Variants in TIAM1 observed in about 807,000 individuals in gnomAD.
TIAM1 encodes rho guanine nucleotide exchange factor TIAM1.
A neutral mutation model predicts 163.5 loss-of-function variants in TIAM1; 65 were observed. The observed-to-expected ratio is 0.40, with a 90% CI of 0.33 to 0.49. The LOEUF is 0.49. Ranked by LOEUF, TIAM1 falls within the 20% of genes least tolerant of loss-of-function variation. The pLI, the probability that TIAM1 is intolerant of heterozygous loss-of-function variation, is 0.77. For synonymous variants in TIAM1, 833 were observed against 810.1 expected, an observed-to-expected ratio of 1.03 and a Z score of -0.48; for missense variants, 1,789 against 2,044.7, an observed-to-expected ratio of 0.87 and a Z score of 2.41.
chr21:31,526,736 A>G (rs2047799058), intron 1 of TIAM1, among the ~76,000 whole-genome samples: 1 of 151,806 alleles, frequency 6.6e-6, no homozygotes, highest in African/African-American at 2.4e-5. Context: ...GAGTCTCCCT[A>G]TGTCACCCAG....
intron 2 of TIAM1, among the ~76,000 whole-genome samples, chr21:31,327,785 C>G (rs1050461992): frequency 5.9e-5 from 9 of 152,026 alleles, no homozygotes; most frequent in Non-Finnish European, 1.2e-4. Context: ...ATAAGAAAGT[C>G]TAATCGATGC....
At chr21:31,319,506 C>T (rs1201575467) in intron 2 of TIAM1, among the ~76,000 whole-genome samples, 7 of 152,002 alleles carry the variant, frequency 4.6e-5, no homozygotes, top group African/African-American at 1.2e-4. Context: ...TGGCCGGGCA[C>T]GGTGGCTCAT....
intron 2 of TIAM1, among the ~76,000 whole-genome samples, chr21:31,304,562 C>T (rs1420030425): frequency 1.3e-5 from 2 of 152,118 alleles, no homozygotes; most frequent in South Asian, 2.1e-4. Context: ...AAAATATCAA[C>T]GTGGTTAAGA....
At chr21:31,275,998 G>A (rs1416980790) in intron 3 of TIAM1, among the ~76,000 whole-genome samples, 3 of 152,140 alleles carry the variant, frequency 2.0e-5, no homozygotes, top group Non-Finnish European at 4.4e-5. Flanking sequence ...AAAACTGCAG[G>A]AGAAAGGATG....
chr21:31,554,087 C>T lies in TIAM1; in HGVS notation c.-422+4840G>A, dbSNP rs1002301266. 2.6e-5 allele frequency among the ~76,000 whole-genome samples: 4 copies of T among 152,126 alleles called. No homozygotes were observed. The South Asian group carries it at 8.3e-4, about 32-fold the overall frequency. Reference sequence around the variant, plus strand: ...GGACAGTGGAAGGGAGGCAGGAGAACGCTCCTTTGGAAACAGGCTTTGCAA... The same window carrying T: ...GGACAGTGGAAGGGAGGCAGGAGAATGCTCCTTTGGAAACAGGCTTTGCAA... On this transcript the variant is annotated intron_variant, in intron 1 of 28. Coordinates refer to the TIAM1 transcript ENST00000286827.
intron 23 of TIAM1, 77 bp from the exon 24 acceptor site, chr21:31,131,025 A>G: frequency 8.2e-7 from 1 of 1,218,798 alleles, no homozygotes; most frequent in Non-Finnish European, 1.2e-6. Context: ...ACTTGTGGTA[A>G]TAAACACTAC....
intron 2 of TIAM1, among the ~76,000 whole-genome samples, chr21:31,443,394 C>T (rs12482993): frequency 6.6e-6 from 1 of 152,176 alleles, no homozygotes; most frequent in Non-Finnish European, 1.5e-5. Flanking sequence ...CTATGGACCA[C>T]GCTGCTGTAT....
At chr21:31,311,260 C>T (rs2074919826) in intron 2 of TIAM1, among the ~76,000 whole-genome samples, 1 of 152,036 alleles carries the variant, frequency 6.6e-6, no homozygotes, top group Admixed American at 6.6e-5. Flanking sequence ...GCAGGAGGGC[C>T]TGGATTGGGC....
intron 1 of TIAM1, among the ~76,000 whole-genome samples, chr21:31,466,948 G>A: frequency 6.8e-6 from 1 of 146,788 alleles, no homozygotes. Flanking sequence ...GCCTTGTAAT[G>A]ACAGGCATAT....
At chr21:31,548,724 A>T (rs1434830209) in intron 1 of TIAM1, among the ~76,000 whole-genome samples, 1 of 151,440 alleles carries the variant, frequency 6.6e-6, no homozygotes, top group Non-Finnish European at 1.5e-5. Context: ...CCTGGCCACA[A>T]GCGATCCACC....
rs1455966309 is a variant in TIAM1 at position 31,243,870 on chromosome 21, C to T, written c.1584+1618G>A. On this transcript the variant is annotated intron_variant, in intron 6 of 27. Transcript: ENST00000541036. Reference sequence around the variant, plus strand: ...GATGGTCAATTAAGAATTCTATATCCAGCAAAACTATCCTTCAAAAATGAA... The same window carrying T: ...GATGGTCAATTAAGAATTCTATATCTAGCAAAACTATCCTTCAAAAATGAA... Among the ~76,000 whole-genome samples, 13 of 152,246 alleles carry T rather than the reference C, an allele frequency of 8.5e-5. No homozygotes were observed. In the East Asian group the frequency reaches 2.5e-3, roughly 29 times the overall value.
chr21:31,164,322 G>A (rs1238083373), intron 16 of TIAM1, among the ~76,000 whole-genome samples: 5 of 151,572 alleles, frequency 3.3e-5, no homozygotes, highest in South Asian at 4.2e-4. Flanking sequence ...CCCGGGAGGC[G>A]GAGCTTGCAG....
intron 2 of TIAM1, among the ~76,000 whole-genome samples, chr21:31,326,060 G>T (rs1405942172): frequency 6.6e-6 from 1 of 152,144 alleles, no homozygotes; most frequent in Non-Finnish European, 1.5e-5. Context: ...TCCACTGTCA[G>T]GCAGAGTCCC....
At chr21:31,474,462 G>C (rs1013688695) in intron 1 of TIAM1, among the ~76,000 whole-genome samples, 16 of 151,988 alleles carry the variant, frequency 1.1e-4, no homozygotes, top group African/African-American at 3.9e-4. Context: ...GCAGCTAACA[G>C]GCAAGTGAGG....
intron 13 of TIAM1, among the ~76,000 whole-genome samples, chr21:31,192,521 G>A (rs1009369568): frequency 6.6e-6 from 1 of 152,104 alleles, no homozygotes; most frequent in Non-Finnish European, 1.5e-5. Context: ...GGAAGCAGGA[G>A]AATCACTTGA....
At chr21:31,210,682 A>AGG in intron 10 of TIAM1, among the ~76,000 whole-genome samples, 1 of 91,286 alleles carries the variant, frequency 1.1e-5, no homozygotes, top group African/African-American at 6.0e-5. Flanking sequence ...AAAGAAAGAA[A>AGG]GAAAAAGAAA....
In TIAM1 at chr21:31,266,409, C is replaced by T. The variant is rs781621542; in HGVS notation, c.564G>A (p.Leu188=). The change falls in exon 4 of 28, where the codon CTG becomes CTA. Residue 188 remains leucine, a synonymous_variant. Coordinates refer to ENST00000541036, the MANE Select transcript of TIAM1 (RefSeq NM_001353694.2). ...EDSLEFSLSD[L]SQEHLTSNEE... ...CGTTGCTTGTTAAATGTTCTTGGCT[C>T]AGATCAGAGAGTGAGAATTCCAGGC... The T allele has an allele frequency of 8.2e-5, 133 of 1,614,116 alleles. No homozygotes were observed. Among genetic ancestry groups the T allele is most frequent in the Non-Finnish European group, 1.0e-4 (121 of 1,180,062 alleles).
At chr21:31,513,692 C>A (rs1327550986) in intron 1 of TIAM1, among the ~76,000 whole-genome samples, 3 of 152,258 alleles carry the variant, frequency 2.0e-5, no homozygotes, top group Admixed American at 6.5e-5. Flanking sequence ...TCTTTAGGGT[C>A]AATCTAGACC....
intron 1 of TIAM1, among the ~76,000 whole-genome samples, chr21:31,521,779 AAG>A (rs2047602083): frequency 1.3e-5 from 1 of 77,398 alleles, no homozygotes; most frequent in Non-Finnish European, 3.2e-5. Flanking sequence ...CACACACACA[AAG>A]TAAAGGACAG....
Sources: allele counts gnomAD v4.1 joint callset (sites outside exome capture counted in the v4.1 genomes callset), GRCh38; gene constraint gnomAD v4.1.1; transcripts MANE v1.5; gene names NCBI Gene and HGNC (gene_info 2026-07-23, HGNC 2026-07-21).